The following DLG2 variants were observed in gnomAD, a reference collection of about 807,000 sequenced individuals.
The protein encoded by DLG2 is discs large MAGUK scaffold protein 2.
Under a neutral mutation model 132.5 loss-of-function variants are expected in DLG2, and 45 were observed. The observed-to-expected ratio is 0.34, with a 90% CI of 0.27 to 0.44. DLG2 has a LOEUF of 0.44. Ranked by LOEUF, DLG2 falls within the 20% of genes least tolerant of loss-of-function variation. The pLI is 1.00. For synonymous variants in DLG2, 424 were observed against 419.6 expected, an observed-to-expected ratio of 1.01 and a Z score of -0.13; for missense variants, 1,045 against 1,196.9, an observed-to-expected ratio of 0.87 and a Z score of 1.87.
intron 7 of DLG2, among the ~76,000 whole-genome samples, chr11:84,411,732 A>G (rs1276057751): frequency 2.0e-5 from 3 of 152,240 alleles, no homozygotes; most frequent in African/African-American, 7.2e-5. Context: ...CAACTATAGT[A>G]TCATAGTATT....
chr11:83,922,176 C>T (rs2078072866), intron 15 of DLG2, among the ~76,000 whole-genome samples: 1 of 152,108 alleles, frequency 6.6e-6, no homozygotes. Flanking sequence ...TGAGGGACAA[C>T]AATGAATGCT....
At chr11:84,720,534 C>T (rs972670464) in intron 6 of DLG2, 4 of 975,124 alleles carry the variant, frequency 4.1e-6, no homozygotes, top group South Asian at 4.8e-5. Context: ...CCCGGAGCCC[C>T]GGTGGAAGCA....
chr11:85,335,683 G>C (rs867956470), intron 3 of DLG2, among the ~76,000 whole-genome samples: 1 of 151,964 alleles, frequency 6.6e-6, no homozygotes, highest in Admixed American at 6.6e-5. Flanking sequence ...AGTTTGGCTG[G>C]ATATAAAATG....
intron 6 of DLG2, among the ~76,000 whole-genome samples, chr11:84,600,240 A>AAAGC (rs72004062): frequency 9.8e-5 from 14 of 143,580 alleles, no homozygotes; most frequent in African/African-American, 2.6e-4. Flanking sequence ...GAAAGACAGA[A>AAAGC]AAGCAAGCAA....
chr11:83,662,471 A>C (rs1480644372), intron 18 of DLG2, among the ~76,000 whole-genome samples: 2 of 152,222 alleles, frequency 1.3e-5, no homozygotes, highest in African/African-American at 2.4e-5. Flanking sequence ...TCTTGGGCCA[A>C]TATATAGAAC....
intron 6 of DLG2, among the ~76,000 whole-genome samples, chr11:84,657,585 G>C (rs1173485371): frequency 1.3e-5 from 2 of 152,152 alleles, no homozygotes; most frequent in Non-Finnish European, 2.9e-5. Flanking sequence ...TCAGGCATTA[G>C]ATTCTCATAA....
chr11:84,045,872 T>C (rs2096231523), intron 11 of DLG2, among the ~76,000 whole-genome samples: 1 of 151,576 alleles, frequency 6.6e-6, no homozygotes, highest in Non-Finnish European at 1.5e-5. Flanking sequence ...GGCCTACAAA[T>C]GTCTGAAGGG....
At chr11:85,492,692 G>C (rs1350282544) in intron 3 of DLG2, among the ~76,000 whole-genome samples, 1 of 145,422 alleles carries the variant, frequency 6.9e-6, no homozygotes, top group East Asian at 1.9e-4. Flanking sequence ...AAATTGGGAG[G>C]GTATATTTGG....
intron 19 of DLG2, among the ~76,000 whole-genome samples, chr11:83,557,978 G>C (rs971490777): frequency 6.6e-6 from 1 of 152,130 alleles, no homozygotes; most frequent in African/African-American, 2.4e-5. Flanking sequence ...AGAGAAGATG[G>C]AGTTACCAAC....
rs116316104 is a variant in DLG2, at chr11:84,742,624, C to T, written c.358-207893G>A. ...CCTCACCAGAATGTTATATTTGCTA[C>T]AACTGATGAACCTTTATTGAGACAT... On this transcript the variant is annotated intron_variant, in intron 6 of 27. Transcript: ENST00000376104. 6.9e-3 allele frequency among the ~76,000 whole-genome samples: 1,054 copies of T among 152,262 alleles called. 12 individuals are homozygous for T. The highest frequency in any genetic ancestry group is 0.023 in the African/African-American group (956 of 41,534).
At chr11:84,020,750 A>G (rs1483215996) in intron 11 of DLG2, among the ~76,000 whole-genome samples, 2 of 152,202 alleles carry the variant, frequency 1.3e-5, no homozygotes, top group East Asian at 1.9e-4. Context: ...GCCCCTTCAC[A>G]ATAATGTCTT....
intron 6 of DLG2, among the ~76,000 whole-genome samples, chr11:84,704,758 A>T (rs1050319150): frequency 1.3e-5 from 2 of 151,208 alleles, no homozygotes; most frequent in Non-Finnish European, 1.5e-5. Context: ...TGTTACTTTC[A>T]CAAAGCACTG....
intron 7 of DLG2, among the ~76,000 whole-genome samples, chr11:84,491,115 G>A (rs1173944916): frequency 6.6e-6 from 1 of 152,048 alleles, no homozygotes; most frequent in Non-Finnish European, 1.5e-5. Context: ...TAGAATGTCA[G>A]AGCACATTGC....
chr11:84,544,077 G>C (rs1315362799), intron 6 of DLG2, among the ~76,000 whole-genome samples: 3 of 152,174 alleles, frequency 2.0e-5, no homozygotes, highest in African/African-American at 7.2e-5. Context: ...ATAACTATGG[G>C]AGAACTTACT....
intron 6 of DLG2, among the ~76,000 whole-genome samples, chr11:84,706,231 G>A (rs1385426681): frequency 1.3e-5 from 2 of 151,714 alleles, no homozygotes; most frequent in Non-Finnish European, 2.9e-5. Flanking sequence ...TGTTCTTGTT[G>A]GCAATAAGTA....
In DLG2 at chr11:83,841,687, T is replaced by G. The variant is rs114671475; in HGVS notation, c.1566-7917A>C. Among the ~76,000 whole-genome samples the G allele has an allele frequency of 5.9e-3, 905 of 152,346 alleles. 8 individuals are homozygous for G. The highest frequency in any genetic ancestry group is 0.018 in the African/African-American group (761 of 41,574). ...CTCACTGTCAGCTAATTTCATATTA[T>G]GTTTTAAGTATGGAATGTATAGAAG... On this transcript the variant is annotated intron_variant, in intron 16 of 27. Coordinates refer to ENST00000376104, the MANE Select transcript of DLG2 (RefSeq NM_001142699.3).
chr11:84,231,819 A>G (rs1272141163), intron 8 of DLG2, among the ~76,000 whole-genome samples: 1 of 152,172 alleles, frequency 6.6e-6, no homozygotes, highest in Non-Finnish European at 1.5e-5. Context: ...TCAGAGAGAC[A>G]AGTTCAGAGG....
chr11:83,982,510 T>C (rs1313723867), intron 11 of DLG2, among the ~76,000 whole-genome samples: 3 of 148,032 alleles, frequency 2.0e-5, no homozygotes, highest in Non-Finnish European at 4.5e-5. Context: ...GAAAAGCTTA[T>C]AGAATAAGAA....
chr11:84,253,110 T>C lies in DLG2; in HGVS notation c.520-1819A>G, dbSNP rs139546639. ...GTCATAATATTTTCATGATTCTCAA[T>C]GGGACGTATCTTGTGGGTAAATAAA... On this transcript the variant is annotated intron_variant, in intron 7 of 27. Coordinates refer to ENST00000376104, the MANE Select transcript of DLG2 (RefSeq NM_001142699.3). Among the ~76,000 whole-genome samples the C allele has an allele frequency of 9.1e-4, 138 of 152,220 alleles. 1 individual carries two copies. The highest frequency in any genetic ancestry group is 3.4e-3 in the Middle Eastern group (1 of 294).
Sources: gnomAD v4.1 joint callset for allele counts (sites outside exome capture counted in the v4.1 genomes callset) on GRCh38, gnomAD v4.1.1 for gene constraint, MANE v1.5 for transcripts, NCBI Gene and HGNC (gene_info 2026-07-23, HGNC 2026-07-21) for gene names.